The following CHID1 variants were observed in gnomAD, a reference collection of about 807,000 sequenced individuals.
CHID1 encodes chitinase domain-containing protein 1.
In CHID1, 44 loss-of-function variants were observed where a neutral mutation model predicts 55.4. The observed-to-expected ratio is 0.79, with a 90% CI of 0.62 to 1.02. The LOEUF (loss-of-function observed/expected upper bound fraction) is 1.02. Among genes scored for constraint, CHID1 ranks in the 50% least tolerant of loss-of-function variants. CHID1 has a pLI of 0.00. For synonymous variants in CHID1, 216 were observed against 212.9 expected, an observed-to-expected ratio of 1.01 and a Z score of -0.13; for missense variants, 491 against 515.3, an observed-to-expected ratio of 0.95 and a Z score of 0.46.
chr11:896,236 G>A (rs1230926578), intron 7 of CHID1, among the ~76,000 whole-genome samples: 3 of 99,624 alleles, frequency 3.0e-5, no homozygotes, highest in Non-Finnish European at 5.7e-5. Flanking sequence ...CTGTCTCAGG[G>A]CCCCCAGCCT....
rs570404591 is a variant in CHID1 at position 891,237 on chromosome 11, C to A, written c.701+2190G>T. 1.8e-3 allele frequency among the ~76,000 whole-genome samples: 274 copies of A among 152,256 alleles called. 3 individuals carry two copies. Among genetic ancestry groups the A allele is most frequent in the South Asian group, 2.3e-3 (11 of 4,828 alleles). ...CAGCCCTGTGCTCCAGTGGAGCGGG[C>A]GCACAACAGCAGTGCCCAGCCCTCC... is the stretch of plus-strand genomic sequence containing the variant. On this transcript the variant is annotated intron_variant, in intron 8 of 12. Coordinates refer to ENST00000323578, the MANE Select transcript of CHID1 (RefSeq NM_023947.4).
chr11:879,002 A>G (rs1484098648), intron 10 of CHID1, among the ~76,000 whole-genome samples: 1 of 152,046 alleles, frequency 6.6e-6, no homozygotes, highest in Admixed American at 6.6e-5. Context: ...GCCCTCCACC[A>G]CGCCCGGCTA....
At chr11:894,429 C>T (rs765525062) in intron 7 of CHID1, among the ~76,000 whole-genome samples, 9 of 152,210 alleles carry the variant, frequency 5.9e-5, no homozygotes, top group Non-Finnish European at 8.8e-5. Context: ...GACCCCAGGC[C>T]GGCCGTGTGC....
intron 7 of CHID1, among the ~76,000 whole-genome samples, chr11:898,079 CA>C (rs1851510318): frequency 6.6e-6 from 1 of 152,182 alleles, no homozygotes; most frequent in Admixed American, 6.5e-5. Flanking sequence ...CTCACAGGGG[CA>C]GGGCCTGTAC....
At chr11:870,530 C>G in intron 10 of CHID1, 31 bp from the exon 11 acceptor site, 1 of 1,493,318 alleles carries the variant, frequency 6.7e-7, no homozygotes, top group Non-Finnish European at 9.2e-7. Flanking sequence ...ATTTGGGAGC[C>G]CACCCAGCTC....
At chr11:884,210 T>G (rs892630683) in intron 8 of CHID1, 41 bp from the exon 9 acceptor site, 3 of 1,506,396 alleles carry the variant, frequency 2.0e-6, no homozygotes, top group Non-Finnish European at 2.8e-6. Flanking sequence ...TGCTATGCCC[T>G]GCCTGAAGCC....
At chr11:914,022 C>T (rs1398440696), upstream of CHID1, among the ~76,000 whole-genome samples, 3 of 143,838 alleles carry the variant, frequency 2.1e-5, no homozygotes, top group African/African-American at 7.8e-5. Context: ...GAGCCGAGAT[C>T]GCGCCACTGC....
chr11:904,599 A>G, intron 2 of CHID1, 107 bp downstream of exon 2: 1 of 1,355,778 alleles, frequency 7.4e-7, no homozygotes. Flanking sequence ...GTGAGGAGCC[A>G]AGCCCCTCGA....
intron 7 of CHID1, among the ~76,000 whole-genome samples, chr11:894,517 G>C (rs927725676): frequency 6.6e-6 from 1 of 152,226 alleles, no homozygotes; most frequent in African/African-American, 2.4e-5. Flanking sequence ...CTGCAAAGCT[G>C]GGTTTCAGGG....
intron 8 of CHID1, among the ~76,000 whole-genome samples, chr11:892,526 C>T (rs2134242061): frequency 6.6e-6 from 1 of 152,344 alleles, no homozygotes; most frequent in Admixed American, 6.5e-5. Context: ...CCAGGGTCTT[C>T]CATCAAAGGA....
chr11:895,982 T>C (rs28645178), intron 7 of CHID1, among the ~76,000 whole-genome samples: 150,870 of 152,070 alleles, frequency 0.99, 74,853 homozygotes, highest in Middle Eastern at 1. Context: ...TCCCCTGCAG[T>C]GGCCACTCCG....
intron 10 of CHID1, among the ~76,000 whole-genome samples, chr11:881,407 G>A (rs1849911147): frequency 2.0e-5 from 3 of 150,690 alleles, no homozygotes; most frequent in African/African-American, 7.3e-5. Flanking sequence ...AAAGGACCAC[G>A]TCGGGCGGTA....
rs563678121 is a variant in CHID1 at position 899,669 on chromosome 11, C to T, written c.547-268G>A. Among the ~76,000 whole-genome samples, 10 of 152,366 alleles carry T rather than the reference C, an allele frequency of 6.6e-5. No homozygotes were observed. The East Asian group carries it at 1.7e-3, about 26-fold the overall frequency. On this transcript the variant is annotated intron_variant, in intron 6 of 12. Coordinates refer to ENST00000323578, the MANE Select transcript of CHID1 (RefSeq NM_023947.4). ...CAACCCCACCCCGGGGGTCTGGGGG[C>T]TCCCTGACCCGAGGCCCAGGCATAC...
chr11:871,484 G>C lies in CHID1; in HGVS notation c.960-985C>G, dbSNP rs953196949. On this transcript the variant is annotated intron_variant, in intron 10 of 12. Transcript: ENST00000323578. ...GCTTCCAGGTCACGGGGCCCTGAGT[G>C]TGTGCACATCTCACACTGCACATTT... Among the ~76,000 whole-genome samples, 4 of 564 alleles carry C rather than the reference G, an allele frequency of 7.1e-3. No homozygotes were observed. In the East Asian group the frequency reaches 0.25, roughly 35 times the overall value. The allele number at this position is 564 out of a possible 152,430, so 0.4% of individuals were successfully genotyped here.
intron 7 of CHID1, among the ~76,000 whole-genome samples, chr11:897,639 C>T (rs1004345543): frequency 5.9e-5 from 9 of 152,334 alleles, no homozygotes; most frequent in East Asian, 5.8e-4. Flanking sequence ...CATAGCCTTG[C>T]GGACATCCTT....
At chr11:914,297 T>G (rs1852837362), upstream of CHID1, 8 of 221,376 alleles carry the variant, frequency 3.6e-5, no homozygotes, top group South Asian at 3.8e-4. Context: ...TTCCCAGCCC[T>G]CCTTACCCGG....
chr11:891,265 C>T (rs1443598474), intron 8 of CHID1, among the ~76,000 whole-genome samples: 4 of 152,172 alleles, frequency 2.6e-5, no homozygotes, highest in Non-Finnish European at 5.9e-5. Context: ...AGCCCTCCCC[C>T]GAGCTGGGTC....
chr11:898,039 G>A (rs531895338), intron 7 of CHID1, among the ~76,000 whole-genome samples: 1 of 152,330 alleles, frequency 6.6e-6, no homozygotes, highest in African/African-American at 2.4e-5. Context: ...CACAGTGGGA[G>A]GAGCGGCAGG....
At chr11:908,772 C>CT in intron 1 of CHID1, 1 of 190,662 alleles carries the variant, frequency 5.2e-6, no homozygotes, top group Non-Finnish European at 9.7e-6. Flanking sequence ...GGTCTCTGCC[C>CT]CTACCTGCCG....
Sources: gnomAD v4.1 joint callset for allele counts (sites outside exome capture counted in the v4.1 genomes callset) on GRCh38, gnomAD v4.1.1 for gene constraint, MANE v1.5 for transcripts, NCBI Gene and HGNC (gene_info 2026-07-23, HGNC 2026-07-21) for gene names.